The following SNTG1 variants were observed in gnomAD, a reference collection of about 807,000 sequenced individuals.
The protein encoded by SNTG1 is gamma-1-syntrophin.
A neutral mutation model predicts 74.7 loss-of-function variants in SNTG1; 39 were observed. The observed-to-expected ratio is 0.52, with a 90% CI of 0.40 to 0.68. The LOEUF (loss-of-function observed/expected upper bound fraction) is 0.68. SNTG1 is among the 30% of genes least tolerant of loss of function. The pLI is 0.00. For synonymous variants in SNTG1, 254 were observed against 217.1 expected (o/e 1.17, Z -1.49); for missense variants, 685 against 609.5 (o/e 1.12, Z -1.30).
At chr8:49,997,990 T>C (rs965871480) in intron 1 of SNTG1, among the ~76,000 whole-genome samples, 1 of 152,198 alleles carries the variant, frequency 6.6e-6, no homozygotes, top group Non-Finnish European at 1.5e-5. Flanking sequence ...TAGAGGATAC[T>C]TATACAAATT....
chr8:49,977,940 A>T (rs1250252345), intron 1 of SNTG1, among the ~76,000 whole-genome samples: 1 of 152,184 alleles, frequency 6.6e-6, no homozygotes, highest in Admixed American at 6.5e-5. Context: ...ATTTGTGACC[A>T]GGGGGATATC....
chr8:50,085,179 T>G (rs1822764507), intron 1 of SNTG1, among the ~76,000 whole-genome samples: 1 of 152,188 alleles, frequency 6.6e-6, no homozygotes, highest in African/African-American at 2.4e-5. Flanking sequence ...TTACTTTTAT[T>G]TTAAATTCTA....
At chr8:50,376,729 TTATATA>T (rs375978893) in intron 2 of SNTG1, among the ~76,000 whole-genome samples, 1,779 of 100,572 alleles carry the variant, frequency 0.018, 30 homozygotes, top group South Asian at 0.047. Flanking sequence ...TATTAATAAA[TTATATA>T]TATATATATA....
At chr8:50,180,890 AGCTGGGCTAACAGAT>A (rs1586608552) in intron 2 of SNTG1, among the ~76,000 whole-genome samples, 3 of 151,262 alleles carry the variant, frequency 2.0e-5, no homozygotes, top group Non-Finnish European at 4.4e-5. Context: ...CCTCCCGAGT[AGCTGGGCTAACAGAT>A]GCACGCCACC....
intron 1 of SNTG1, among the ~76,000 whole-genome samples, chr8:50,089,281 T>C (rs1326635479): frequency 6.6e-6 from 1 of 152,032 alleles, no homozygotes; most frequent in African/African-American, 2.4e-5. Context: ...ATTTAAACGT[T>C]AGACCTAAAA....
chr8:50,537,960 T>C (rs930343155), intron 11 of SNTG1, among the ~76,000 whole-genome samples: 1 of 152,204 alleles, frequency 6.6e-6, no homozygotes, highest in Non-Finnish European at 1.5e-5. Context: ...GTTTATCTCT[T>C]AATATATGTA....
intron 2 of SNTG1, among the ~76,000 whole-genome samples, chr8:50,180,209 T>C (rs994742993): frequency 1.3e-5 from 2 of 152,164 alleles, no homozygotes; most frequent in African/African-American, 2.4e-5. Context: ...ATTTCACTTA[T>C]ATGTGGAATC....
chr8:49,970,590 T>C (rs1017236968), intron 1 of SNTG1, among the ~76,000 whole-genome samples: 2 of 152,174 alleles, frequency 1.3e-5, no homozygotes, highest in African/African-American at 4.8e-5. Context: ...CAAATTATAT[T>C]TAGATGTTTT....
chr8:49,966,583 C>T (rs1392299896), intron 1 of SNTG1, among the ~76,000 whole-genome samples: 4 of 151,714 alleles, frequency 2.6e-5, no homozygotes, highest in East Asian at 1.9e-4. Flanking sequence ...TTAGTAGAGG[C>T]GGGGTTTCAC....
chr8:50,705,177 A>G (rs1488790736), intron 16 of SNTG1, among the ~76,000 whole-genome samples: 1 of 152,138 alleles, frequency 6.6e-6, no homozygotes, highest in African/African-American at 2.4e-5. Flanking sequence ...AGAGTTTTTG[A>G]GACTTTTTAT....
intron 1 of SNTG1, among the ~76,000 whole-genome samples, chr8:50,057,623 G>A (rs1820136620): frequency 6.6e-6 from 1 of 152,060 alleles, no homozygotes; most frequent in Non-Finnish European, 1.5e-5. Flanking sequence ...CTGCTTTAAG[G>A]ATTAAATTCA....
chr8:50,009,721 C>T (rs1212407042), intron 1 of SNTG1, among the ~76,000 whole-genome samples: 1 of 152,052 alleles, frequency 6.6e-6, no homozygotes, highest in Non-Finnish European at 1.5e-5. Context: ...TACAAGGCTG[C>T]CTGTGGTGGC....
At chr8:50,012,164 T>TA (rs555112229) in intron 1 of SNTG1, among the ~76,000 whole-genome samples, 26 of 152,190 alleles carry the variant, frequency 1.7e-4, no homozygotes, top group Admixed American at 2.6e-4. Context: ...TCTTTAAATT[T>TA]AAAAAAAATG....
chr8:50,084,628 A>G (rs1822709838), intron 1 of SNTG1, among the ~76,000 whole-genome samples: 1 of 152,226 alleles, frequency 6.6e-6, no homozygotes, highest in Non-Finnish European at 1.5e-5. Flanking sequence ...ACAAACTGTA[A>G]ACATCTCTCT....
At chr8:50,787,298 C>T (rs7821117) in intron 18 of SNTG1, among the ~76,000 whole-genome samples, 5,504 of 151,680 alleles carry the variant, frequency 0.036, 271 homozygotes, top group African/African-American at 0.1. Flanking sequence ...GCTTCCCACT[C>T]TATAGGATGG....
intron 17 of SNTG1, among the ~76,000 whole-genome samples, chr8:50,709,582 C>T (rs1329964130): frequency 1.3e-5 from 2 of 151,986 alleles, no homozygotes; most frequent in African/African-American, 2.4e-5. Context: ...GCCAGTCATA[C>T]CTAAAAAAAT....
At chr8:50,684,429 T>C (rs2095343455) in intron 15 of SNTG1, among the ~76,000 whole-genome samples, 1 of 152,182 alleles carries the variant, frequency 6.6e-6, no homozygotes, top group Non-Finnish European at 1.5e-5. Flanking sequence ...TGTGTGTCTC[T>C]TGTTTGTTTG....
chr8:50,648,292 C>A (rs1456094100), intron 13 of SNTG1, among the ~76,000 whole-genome samples: 3 of 152,120 alleles, frequency 2.0e-5, no homozygotes, highest in Admixed American at 6.5e-5. Flanking sequence ...TTTCAGCCTG[C>A]AGCAAAGTAT....
At chr8:49,966,401 A>AT (rs942293230) in intron 1 of SNTG1, among the ~76,000 whole-genome samples, 1,628 of 145,668 alleles carry the variant, frequency 0.011, 15 homozygotes, top group African/African-American at 0.015. Context: ...TAATTAATTA[A>AT]TTTTTTTTTT....
Sources: allele counts gnomAD v4.1 joint callset (sites outside exome capture counted in the v4.1 genomes callset), GRCh38; gene constraint gnomAD v4.1.1; transcripts MANE v1.5; gene names NCBI Gene and HGNC (gene_info 2026-07-23, HGNC 2026-07-21).